The following HDAC4 variants were observed in gnomAD, a reference collection of about 807,000 sequenced individuals.
The protein encoded by HDAC4 is histone deacetylase A.
In HDAC4, 16 loss-of-function variants were observed where a neutral mutation model predicts 135.1. The ratio of observed to expected loss-of-function variants is 0.12; its 90% confidence interval spans 0.08 to 0.18. The LOEUF (loss-of-function observed/expected upper bound fraction) is 0.18, where lower values mean the gene tolerates loss of function less well. Ranked by LOEUF, HDAC4 falls within the 10% of genes least tolerant of loss-of-function variation. The pLI, the probability that HDAC4 is intolerant of heterozygous loss-of-function variation, is 1.00. For synonymous variants in HDAC4, 685 were observed against 653.4 expected (o/e 1.05, Z -0.74); for missense variants, 1,143 against 1,511.8 (o/e 0.76, Z 4.05).
chr2:239,372,960 C>T (rs193004349), intron 1 of HDAC4, among the ~76,000 whole-genome samples: 188 of 152,278 alleles, frequency 1.2e-3, no homozygotes, highest in African/African-American at 3.8e-3. Flanking sequence ...GAGTCCGTCA[C>T]GTGGCTGTGC....
intron 25 of HDAC4, 144 bp from the exon 26 acceptor site, chr2:239,053,745 G>A (rs763293784): frequency 7.4e-6 from 5 of 677,248 alleles, no homozygotes; most frequent in African/African-American, 3.6e-5. Context: ...GAAGAGACAC[G>A]AAGCAGAAGA....
chr2:239,070,567 C>G (rs905182717), intron 22 of HDAC4, among the ~76,000 whole-genome samples: 2 of 152,186 alleles, frequency 1.3e-5, no homozygotes, highest in African/African-American at 4.8e-5. Flanking sequence ...AGTTAATCAC[C>G]ACCACTGACT....
chr2:239,373,447 CA>C (rs1205914243), intron 1 of HDAC4, among the ~76,000 whole-genome samples: 7 of 151,424 alleles, frequency 4.6e-5, no homozygotes, highest in Admixed American at 4.6e-4. Flanking sequence ...GAGACCTCTC[CA>C]TAGTAAACTT....
intron 2 of HDAC4, among the ~76,000 whole-genome samples, chr2:239,341,334 G>A (rs578039498): frequency 6.6e-6 from 1 of 152,376 alleles, no homozygotes; most frequent in African/African-American, 2.4e-5. Context: ...GCAGCACCTC[G>A]GTGAGCCTGC....
chr2:239,122,091 A>G (rs1030824613), intron 12 of HDAC4, among the ~76,000 whole-genome samples: 3 of 152,238 alleles, frequency 2.0e-5, no homozygotes, highest in Admixed American at 6.5e-5. Flanking sequence ...CCAAAACCGA[A>G]CTGGTAAACT....
In HDAC4 at chr2:239,306,641, CT is replaced by C. The variant is rs906034985; in HGVS notation, c.22+46036del. Among the ~76,000 whole-genome samples, 2 of 152,148 alleles carry C rather than the reference CT, an allele frequency of 1.3e-5. No homozygotes were observed. The highest frequency in any genetic ancestry group is 2.1e-4 in the South Asian group (1 of 4,832). The stretch of plus-strand genomic sequence containing the variant: ...CTACATCAGGCACCCCATGTTCCCC[CT>C]ATATGCCCCCCACACTGCCCAGGTG... On this transcript the variant is annotated intron_variant, in intron 2 of 26. Coordinates refer to ENST00000543185, the MANE Select transcript of HDAC4 (RefSeq NM_001378414.1). This position sits in a 1 kb window ranked among gnomAD's most constrained non-coding sequence, Gnocchi z 4.5.
chr2:239,178,143 G>A (rs1329622513), intron 4 of HDAC4, among the ~76,000 whole-genome samples: 2 of 152,124 alleles, frequency 1.3e-5, no homozygotes, highest in African/African-American at 4.8e-5. Context: ...GCCTCCACAG[G>A]TGTGAGGAGC....
intron 16 of HDAC4, 87 bp from the exon 17 acceptor site, chr2:239,095,143 G>A: frequency 1.4e-6 from 2 of 1,417,602 alleles, no homozygotes; most frequent in Non-Finnish European, 2.0e-6. Context: ...GGGGTCTTCA[G>A]TGGCACTTGG....
At chr2:239,364,911 C>T (rs1292484580) in intron 1 of HDAC4, among the ~76,000 whole-genome samples, 2 of 152,238 alleles carry the variant, frequency 1.3e-5, no homozygotes, top group Non-Finnish European at 2.9e-5. Flanking sequence ...GAAAAGAATT[C>T]TTTCAGAACC....
chr2:239,325,894 G>A (rs151227769), intron 2 of HDAC4, among the ~76,000 whole-genome samples: 100 of 152,214 alleles, frequency 6.6e-4, no homozygotes, highest in African/African-American at 2.4e-3. Flanking sequence ...GAACCCCGGG[G>A]GACAGAGGCT....
chr2:239,294,951 C>T (rs556475339), intron 2 of HDAC4, among the ~76,000 whole-genome samples: 2 of 152,128 alleles, frequency 1.3e-5, no homozygotes, highest in Non-Finnish European at 2.9e-5. Flanking sequence ...TTCGGGACAA[C>T]GCCCGTCTGA....
At chr2:239,095,348 G>A (rs2036921386) in intron 16 of HDAC4, among the ~76,000 whole-genome samples, 1 of 152,196 alleles carries the variant, frequency 6.6e-6, no homozygotes. Flanking sequence ...AAGCCACTGG[G>A]GAGCACGAGG....
At chr2:239,093,867 G>A in intron 17 of HDAC4, 1 of 878,140 alleles carries the variant, frequency 1.1e-6, no homozygotes. Flanking sequence ...CCAAAAACAT[G>A]CCCCAAATTA....
chr2:239,164,482 C>T (rs913946508), intron 5 of HDAC4, among the ~76,000 whole-genome samples: 1 of 152,200 alleles, frequency 6.6e-6, no homozygotes, highest in East Asian at 1.9e-4. Context: ...CAAGTGGGAC[C>T]GAAGTCGAAA....
rs537758209 is a variant in HDAC4 at position 239,178,826 on chromosome 2, C to T, written c.340-2263G>A. 3.3e-5 allele frequency among the ~76,000 whole-genome samples: 5 copies of T among 152,300 alleles called. No homozygotes were observed. The South Asian group carries it at 6.2e-4, about 19-fold the overall frequency. Reference sequence around the variant, plus strand: ...AGGAAATTTAGTGAATCAGGGGCTCCGGGCTGGCTCCAGAGTGGGGCTTCC... The same window carrying T: ...AGGAAATTTAGTGAATCAGGGGCTCTGGGCTGGCTCCAGAGTGGGGCTTCC... On this transcript the variant is annotated intron_variant, in intron 4 of 26. Transcript: ENST00000543185.
intron 7 of HDAC4, among the ~76,000 whole-genome samples, chr2:239,150,318 CACAGAAACACAGAT>C (rs2152931192): frequency 1.3e-5 from 2 of 151,716 alleles, no homozygotes; most frequent in South Asian, 4.2e-4. Flanking sequence ...CACACAGATA[CACAGAAACACAGAT>C]ACAGAAACAG....
At chr2:239,092,447 C>A (rs937291303) in intron 17 of HDAC4, among the ~76,000 whole-genome samples, 2 of 152,190 alleles carry the variant, frequency 1.3e-5, no homozygotes, top group Non-Finnish European at 2.9e-5. Context: ...TAGGCCAACA[C>A]TGCAGGGAGC....
At chr2:239,347,502 C>T (rs746354051) in intron 2 of HDAC4, among the ~76,000 whole-genome samples, 1 of 152,188 alleles carries the variant, frequency 6.6e-6, no homozygotes, top group Admixed American at 6.5e-5. Flanking sequence ...AAGTTACACA[C>T]GTTTCCCACA....
chr2:239,370,527 TC>T (rs1408769828), intron 1 of HDAC4, among the ~76,000 whole-genome samples: 1 of 152,210 alleles, frequency 6.6e-6, no homozygotes, highest in East Asian at 1.9e-4. Flanking sequence ...AATCCAGGCC[TC>T]CCTGCTCCCT....
Sources: gnomAD v4.1 joint callset for allele counts (sites outside exome capture counted in the v4.1 genomes callset) on GRCh38, gnomAD v4.1.1 for gene constraint, Gnocchi (gnomAD v3.1) non-coding constraint, MANE v1.5 for transcripts, NCBI Gene and HGNC (gene_info 2026-07-23, HGNC 2026-07-21) for gene names.